The following TSNARE1 variants were observed in gnomAD, a reference collection of about 807,000 sequenced individuals.
TSNARE1 encodes t-SNARE domain containing 1, also known as t-SNARE domain-containing protein 1.
TSNARE1 carries 49 observed loss-of-function variants against 62.0 expected under a neutral mutation model. The ratio of observed to expected loss-of-function variants is 0.79; its 90% CI spans 0.63 to 1.00. The LOEUF (loss-of-function observed/expected upper bound fraction) is 1.00, where lower values mean the gene tolerates loss of function less well. Among genes scored for constraint, TSNARE1 ranks in the 50% least tolerant of loss-of-function variants. TSNARE1 has a pLI of 0.00. For synonymous variants in TSNARE1, 328 were observed against 294.4 expected (o/e 1.11, Z -1.17); for missense variants, 755 against 700.1 (o/e 1.08, Z -0.88).
chr8:142,345,856 T>C lies in TSNARE1; in HGVS notation c.125A>G (p.His42Arg), dbSNP rs750524448. The C allele has an allele frequency of 6.2e-7, 1 of 1,613,912 alleles. No individual in the cohort carries two copies. ...ARCWTEYGIR[H>R]FPCPSPESKL... is the part of the protein sequence containing the mutation. The stretch of plus-strand genomic sequence containing the variant: ...GCTCTCTGGCGACGGGCAGGGGAAA[T>C]GGCGGATTCCATACTCGGTCCAACA... Residue 42 changes from histidine (H) to arginine (R), a missense_variant, in exon 3 of 14, where the codon CAT becomes CGT. Physicochemically the swap from His to Arg is conservative, Grantham distance 29 (BLOSUM62 0). Transcript: ENST00000524325.
rs565887424 is a variant in TSNARE1, at chr8:142,369,125, C to G, written c.-39-14362G>C. Among the ~76,000 whole-genome samples, 7 of 152,332 alleles carry G rather than the reference C, an allele frequency of 4.6e-5. No homozygotes were observed. In the East Asian group the frequency reaches 1.2e-3, roughly 25 times the overall value. On this transcript the variant is annotated intron_variant, in intron 1 of 13. Coordinates refer to ENST00000524325, the MANE Select transcript of TSNARE1 (RefSeq NM_145003.5). ...CAGCCAGCAGACGCAGCTACTGCTGCAGGAGGGGAAACAGTGTGGGGAGAG... is the reference window on the plus strand; with the variant it reads ...CAGCCAGCAGACGCAGCTACTGCTGGAGGAGGGGAAACAGTGTGGGGAGAG...
At chr8:142,380,530 C>T (rs1836664018) in intron 1 of TSNARE1, among the ~76,000 whole-genome samples, 1 of 151,064 alleles carries the variant, frequency 6.6e-6, no homozygotes, top group Non-Finnish European at 1.5e-5. Context: ...CCCCTGCACT[C>T]ATCTAGCCCA....
At chr8:142,327,839 C>T (rs1371602957) in intron 6 of TSNARE1, among the ~76,000 whole-genome samples, 2 of 152,214 alleles carry the variant, frequency 1.3e-5, no homozygotes, top group Non-Finnish European at 2.9e-5. Flanking sequence ...AAGGAGAGCA[C>T]ACCTCACGCG....
intron 6 of TSNARE1, among the ~76,000 whole-genome samples, chr8:142,320,613 T>C (rs1343625223): frequency 1.3e-5 from 2 of 152,066 alleles, no homozygotes; most frequent in Admixed American, 1.3e-4. Flanking sequence ...CCCATGAGTC[T>C]CTGCTGCTCC....
Position 142,344,033 on chromosome 8 carries a change from C to T in TSNARE1, c.678G>A (p.Gln226=). ...GGCAAGAGAAGGTCTTGGCCACCACCTGCTCCACGGGCGTGAGAGCCAGGG... is the reference window on the plus strand; with the variant it reads ...GGCAAGAGAAGGTCTTGGCCACCACTTGCTCCACGGGCGTGAGAGCCAGGG... ...PQALALTPVE[Q]VVAKTFSCQA... Residue 226 remains glutamine, a synonymous_variant, in exon 4 of 14, where the codon CAG becomes CAA. Coordinates refer to ENST00000524325, the MANE Select transcript of TSNARE1 (RefSeq NM_145003.5). 5 of 1,577,558 alleles carry T rather than the reference C, an allele frequency of 3.2e-6. No homozygotes were observed. The highest frequency in any genetic ancestry group is 4.3e-6 in the Non-Finnish European group (5 of 1,159,826).
Position 142,291,919 on chromosome 8 carries a change from C to T in TSNARE1, c.1291-7434G>A, listed in dbSNP as rs139534450. Among the ~76,000 whole-genome samples, 309 of 152,082 alleles carry T rather than the reference C, an allele frequency of 2.0e-3. 2 individuals carry two copies. Among genetic ancestry groups the T allele is most frequent in the African/African-American group, 6.8e-3 (284 of 41,480 alleles). On this transcript the variant is annotated intron_variant, in intron 10 of 13. Coordinates refer to ENST00000524325, the MANE Select transcript of TSNARE1 (RefSeq NM_145003.5). The surrounding 1 kb of genome is among the most constrained non-coding windows in gnomAD (Gnocchi z 4.8). Reference sequence around the variant, plus strand: ...GGGAGAGGACAGTCCATTGGGAGTACGGGGTCAGCTGCCTCTCCCGTGGAC... The same window carrying T: ...GGGAGAGGACAGTCCATTGGGAGTATGGGGTCAGCTGCCTCTCCCGTGGAC...
At chr8:142,264,016 A>G (rs1407630954) in intron 12 of TSNARE1, among the ~76,000 whole-genome samples, 1 of 152,214 alleles carries the variant, frequency 6.6e-6, no homozygotes, top group Non-Finnish European at 1.5e-5. Flanking sequence ...AAGTCTTTTT[A>G]ATGTCTATTT....
rs546166423 is a variant in TSNARE1, at chr8:142,252,316, G to GC, written c.1446+22464dup. On this transcript the variant is annotated intron_variant, in intron 12 of 13. Coordinates refer to ENST00000524325, the MANE Select transcript of TSNARE1 (RefSeq NM_145003.5). ...TGCGGGTGGGAGGAGGAAGGGCCGG[G>GC]CCCCCCCGGTACCAGGGCACTGGCT... Among the ~76,000 whole-genome samples the GC allele has an allele frequency of 2.0e-4, 30 of 152,214 alleles. No homozygotes were observed. In the South Asian group the frequency reaches 4.6e-3, roughly 23 times the overall value.
intron 2 of TSNARE1, among the ~76,000 whole-genome samples, chr8:142,347,100 C>T (rs2130486802): frequency 6.6e-6 from 1 of 152,348 alleles, no homozygotes; most frequent in African/African-American, 2.4e-5. Context: ...GCTCACCCTC[C>T]AGCTCTGGGC....
intron 11 of TSNARE1, chr8:142,278,615 G>T: frequency 1.0e-6 from 1 of 985,466 alleles, no homozygotes; most frequent in African/African-American, 1.7e-5. Context: ...CACGGAGCCA[G>T]CATCACCCTC....
chr8:142,393,215 C>T (rs1018419866), intron 1 of TSNARE1, among the ~76,000 whole-genome samples: 5 of 152,168 alleles, frequency 3.3e-5, no homozygotes, highest in African/African-American at 7.2e-5. Flanking sequence ...GGAACGATGG[C>T]GAATAGAAAA....
At chr8:142,262,183 A>C (rs896459390) in intron 12 of TSNARE1, among the ~76,000 whole-genome samples, 1 of 152,170 alleles carries the variant, frequency 6.6e-6, no homozygotes. Context: ...GGCTGTTTTT[A>C]GGCCTTCGTT....
chr8:142,276,638 C>T (rs375390439), intron 11 of TSNARE1: 43 of 985,294 alleles, frequency 4.4e-5, no homozygotes, highest in South Asian at 2.3e-4. Context: ...CGTGACCACA[C>T]GCAGCCTCAG....
At chr8:142,324,884 C>T (rs543156689) in intron 6 of TSNARE1, among the ~76,000 whole-genome samples, 81 of 152,378 alleles carry the variant, frequency 5.3e-4, no homozygotes, top group Middle Eastern at 6.8e-3. Flanking sequence ...GTGACTGCGA[C>T]GCCCCTGCCG....
intron 10 of TSNARE1, among the ~76,000 whole-genome samples, chr8:142,290,363 A>G (rs543456805): frequency 6.6e-6 from 1 of 152,288 alleles, no homozygotes; most frequent in African/African-American, 2.4e-5. Context: ...AACTTAGTAG[A>G]TGGTTAAATC....
chr8:142,383,758 T>C (rs1197810711), intron 1 of TSNARE1, among the ~76,000 whole-genome samples: 2 of 152,048 alleles, frequency 1.3e-5, no homozygotes, highest in Non-Finnish European at 2.9e-5. Flanking sequence ...TGACCTCGAG[T>C]GTTAAGTATG....
At chr8:142,244,219 A>G (rs1046696408) in intron 12 of TSNARE1, among the ~76,000 whole-genome samples, 4 of 152,218 alleles carry the variant, frequency 2.6e-5, no homozygotes, top group African/African-American at 9.6e-5. Flanking sequence ...CAGAATTATC[A>G]TCACAGGAAA....
At chr8:142,331,056 G>T in intron 5 of TSNARE1, 86 bp from the exon 6 acceptor site, 4 of 1,265,730 alleles carry the variant, frequency 3.2e-6, no homozygotes, top group Non-Finnish European at 4.5e-6. Flanking sequence ...ACTGCAGCCC[G>T]GGCAGGGTGA....
intron 13 of TSNARE1, among the ~76,000 whole-genome samples, chr8:142,213,719 C>G (rs549034355): frequency 6.6e-6 from 1 of 152,286 alleles, no homozygotes; most frequent in East Asian, 1.9e-4. Flanking sequence ...CCACAGGAAG[C>G]AGGGAGGCGA....
Sources: allele counts gnomAD v4.1 joint callset (sites outside exome capture counted in the v4.1 genomes callset), GRCh38; gene constraint gnomAD v4.1.1; non-coding constraint Gnocchi (gnomAD v3.1); transcripts MANE v1.5; gene names NCBI Gene and HGNC (gene_info 2026-07-23, HGNC 2026-07-21).